Variants in ABCC9 observed in about 807,000 individuals in gnomAD.
ABCC9 encodes the protein ATP binding cassette subfamily C member 9, also known as ATP-binding cassette sub-family C member 9.
ABCC9 carries 95 observed loss-of-function variants against 188.3 expected under a neutral mutation model. The ratio of observed to expected loss-of-function variants is 0.50; its 90% CI spans 0.43 to 0.60. ABCC9 has a LOEUF of 0.60. Ranked by LOEUF, ABCC9 falls within the 20% of genes least tolerant of loss-of-function variation. The pLI is 0.00. For synonymous variants in ABCC9, 659 were observed against 652.7 expected, an observed-to-expected ratio of 1.01 and a Z score of -0.15; for missense variants, 1,102 against 1,876.3, an observed-to-expected ratio of 0.59 and a Z score of 7.62.
chr12:21,883,314 G>A (rs918693589), intron 15 of ABCC9, among the ~76,000 whole-genome samples: 1 of 152,278 alleles, frequency 6.6e-6, no homozygotes, highest in South Asian at 2.1e-4. Flanking sequence ...ATTGAATCAT[G>A]GGTGTGGGGA....
In ABCC9 at chr12:21,911,178, A is replaced by G. The variant is rs575308788; in HGVS notation, c.1012-200T>C. On this transcript the variant is annotated intron_variant, in intron 8 of 39. Transcript: ENST00000261200. Reference sequence around the variant, plus strand: ...AATGAGTGATGGAAATGCCTAATTGAAGAAAAAAAAGGTAGAATTTATTTT... The same window carrying G: ...AATGAGTGATGGAAATGCCTAATTGGAGAAAAAAAAGGTAGAATTTATTTT... Among the ~76,000 whole-genome samples, 5 of 152,092 alleles carry G rather than the reference A, an allele frequency of 3.3e-5. 1 individual carries two copies. The South Asian group carries it at 1.0e-3, about 32-fold the overall frequency.
At chr12:21,867,828 A>AG (rs1039185161) in intron 18 of ABCC9, among the ~76,000 whole-genome samples, 2 of 151,258 alleles carry the variant, frequency 1.3e-5, no homozygotes, top group African/African-American at 2.4e-5. Flanking sequence ...AAAAGAAAAA[A>AG]AAAAAAAAAG....
At chr12:21,825,631 T>C (rs1413290717) in intron 31 of ABCC9, among the ~76,000 whole-genome samples, 1 of 105,614 alleles carries the variant, frequency 9.5e-6, no homozygotes, top group South Asian at 3.2e-4. Context: ...CATTATACAT[T>C]GGGATCTGTC....
At chr12:21,928,427 GAAAAA>G in intron 4 of ABCC9, among the ~76,000 whole-genome samples, 1 of 144,112 alleles carries the variant, frequency 6.9e-6, no homozygotes, top group Non-Finnish European at 1.5e-5. Flanking sequence ...AAAGAAGAAA[GAAAAA>G]AAGAAAAGAA....
chr12:21,843,845 C>T (rs1159349041), intron 28 of ABCC9, among the ~76,000 whole-genome samples: 1 of 152,176 alleles, frequency 6.6e-6, no homozygotes, highest in Non-Finnish European at 1.5e-5. Context: ...TAATTGAGGG[C>T]CATTTCGGTA....
chr12:21,806,294 T>C (rs1941839575), intron 38 of ABCC9, among the ~76,000 whole-genome samples: 1 of 152,170 alleles, frequency 6.6e-6, no homozygotes, highest in South Asian at 2.1e-4. Context: ...GGTGATAGAT[T>C]TATTTCCAGG....
chr12:21,899,815 G>C (rs1486425525), intron 12 of ABCC9, among the ~76,000 whole-genome samples: 1 of 152,206 alleles, frequency 6.6e-6, no homozygotes, highest in African/African-American at 2.4e-5. Context: ...CAGCCGGGAA[G>C]CTCAAACTGG....
chr12:21,829,053 T>G lies in ABCC9; in HGVS notation c.3574A>C (p.Thr1192Pro). ...TCCAGCATACGTTGTTTAAATCTGG[T>G]TTCATGCCTGCAGAAAACAAAAACA... Reference protein sequence around the residue: ...LTTIRAFRHETRFKQRMLELT... With the variant: ...LTTIRAFRHEPRFKQRMLELT... The change falls in exon 31 of 40, where the codon ACC becomes CCC. Residue 1192 changes from threonine (T) to proline (P), a missense_variant. Thr to Pro is a conservative substitution (Grantham distance 38). This residue lies in a region of ABCC9 where 143 missense variants were observed against 225.6 expected (regional missense o/e 0.63). Coordinates refer to ENST00000261200, the MANE Select transcript of ABCC9 (RefSeq NM_020297.4). 6.2e-7 allele frequency: 1 copy of G among 1,613,798 alleles called. No homozygotes were observed. Among genetic ancestry groups the G allele is most frequent in the South Asian group, 1.1e-5 (1 of 91,068 alleles).
intron 12 of ABCC9, 53 bp downstream of exon 12, chr12:21,906,073 G>A (rs915724297): frequency 1.9e-6 from 3 of 1,544,736 alleles, no homozygotes; most frequent in African/African-American, 2.7e-5. Context: ...ATAGACTGTT[G>A]GTTATTCTGG....
At chr12:21,882,194 C>G (rs1946659272) in intron 16 of ABCC9, among the ~76,000 whole-genome samples, 1 of 152,110 alleles carries the variant, frequency 6.6e-6, no homozygotes, top group Non-Finnish European at 1.5e-5. Context: ...TGGATGGAGG[C>G]CTTTGACTGC....
intron 7 of ABCC9, among the ~76,000 whole-genome samples, chr12:21,915,245 G>A (rs1277153187): frequency 2.3e-5 from 2 of 86,660 alleles, no homozygotes; most frequent in Non-Finnish European, 5.0e-5. Context: ...GTGTGTGTGT[G>A]TGTGTGTGTG....
rs564311502 is a variant in ABCC9 at position 21,901,211 on chromosome 12, A to G, written c.1618+4915T>C. Among the ~76,000 whole-genome samples, 7 of 152,346 alleles carry G rather than the reference A, an allele frequency of 4.6e-5. No individual in the cohort carries two copies. In the East Asian group the frequency reaches 1.4e-3, roughly 29 times the overall value. ...TTCATATCCAGCCAAACTAAGCTTC[A>G]TAAGTGAAGGAGAAATAAAATACTT... On this transcript the variant is annotated intron_variant, in intron 12 of 39. Transcript: ENST00000261200.
At position 21,842,301 on chromosome 12, in the gene ABCC9, C is replaced by A. The variant is rs1944431417; in HGVS notation, c.3473+13G>T. The A allele has an allele frequency of 6.2e-7, 1 of 1,612,336 alleles. No homozygotes were observed. The highest frequency in any genetic ancestry group is 8.5e-7 in the Non-Finnish European group (1 of 1,178,940). ...TAAGCTTTTGAAAATGAGTGGGATG[C>A]TGTTTTACTTACTTAGAGGCAACCC... On this transcript the variant is annotated intron_variant, in intron 29 of 39. Transcript: ENST00000261200.
intron 35 of ABCC9, 75 bp from the exon 36 acceptor site, chr12:21,812,232 G>C: frequency 8.4e-7 from 1 of 1,185,342 alleles, no homozygotes; most frequent in Non-Finnish European, 1.3e-6. Flanking sequence ...CAAATTGAAA[G>C]TTATTTCTTA....
At chr12:21,823,172 C>G (rs1943158046) in intron 31 of ABCC9, among the ~76,000 whole-genome samples, 1 of 152,154 alleles carries the variant, frequency 6.6e-6, no homozygotes, top group South Asian at 2.1e-4. Context: ...GGGCTTTTAT[C>G]TGTAGAATAG....
intron 30 of ABCC9, among the ~76,000 whole-genome samples, chr12:21,831,778 T>C (rs1161699043): frequency 6.6e-6 from 1 of 152,154 alleles, no homozygotes; most frequent in Non-Finnish European, 1.5e-5. Flanking sequence ...CCACATGTTC[T>C]GGGGCTTGAG....
At chr12:21,849,340 C>T (rs1944846904) in intron 24 of ABCC9, among the ~76,000 whole-genome samples, 1 of 152,010 alleles carries the variant, frequency 6.6e-6, no homozygotes, top group Admixed American at 6.6e-5. Context: ...ACTTCAGATT[C>T]TTGGTTAAAA....
chr12:21,864,688 C>G (rs1381193882), intron 18 of ABCC9, among the ~76,000 whole-genome samples: 2 of 152,090 alleles, frequency 1.3e-5, no homozygotes, highest in Non-Finnish European at 2.9e-5. Flanking sequence ...TAGTAAGCTT[C>G]TAAAACATAG....
chr12:21,912,478 C>T (rs1206227650), intron 8 of ABCC9, among the ~76,000 whole-genome samples: 1 of 151,908 alleles, frequency 6.6e-6, no homozygotes, highest in Admixed American at 6.6e-5. Context: ...TTACAAATCA[C>T]ATTGCTAGTA....
Sources: allele counts gnomAD v4.1 joint callset (sites outside exome capture counted in the v4.1 genomes callset), GRCh38; gene constraint gnomAD v4.1.1; regional missense constraint gnomAD v4.1.1; transcripts MANE v1.5; gene names NCBI Gene and HGNC (gene_info 2026-07-23, HGNC 2026-07-21).